Variants in CASZ1 observed in about 807,000 individuals in gnomAD.
CASZ1 encodes the protein zinc finger protein castor homolog 1.
Under a neutral mutation model 135.2 loss-of-function variants are expected in CASZ1, and 28 were observed. The ratio of observed to expected loss-of-function variants is 0.21; its 90% CI spans 0.15 to 0.28. The LOEUF (loss-of-function observed/expected upper bound fraction) is 0.28, where lower values mean the gene tolerates loss of function less well. Ranked by LOEUF, CASZ1 falls within the 10% of genes least tolerant of loss-of-function variation. CASZ1 has a pLI of 1.00. For missense variants in CASZ1, 2,161 were observed against 2,453.3 expected (o/e 0.88, Z 2.52); for synonymous variants, 1,068 against 1,073.4 (o/e 0.99, Z 0.10).
intron 2 of CASZ1, among the ~76,000 whole-genome samples, chr1:10,746,390 C>T (rs1319925843): frequency 1.3e-5 from 2 of 152,210 alleles, no homozygotes; most frequent in Admixed American, 1.3e-4. Flanking sequence ...AATAAAAAGC[C>T]AACCACAGGC....
Position 10,660,278 on chromosome 1 carries a change from G to A in CASZ1, c.764C>T (p.Pro255Leu), listed in dbSNP as rs772366170. 5.0e-6 allele frequency: 8 copies of A among 1,613,910 alleles called. No homozygotes were observed. The highest frequency in any genetic ancestry group is 3.3e-5 in the South Asian group (3 of 91,082). Residue 255 changes from proline (P) to leucine (L), a missense_variant, in exon 6 of 21, where the codon CCG (proline) becomes CTG (leucine). By Grantham distance (98) the Pro-to-Leu change is moderately conservative. This residue lies in a region of CASZ1 where 590 missense variants were observed against 609.8 expected (regional missense o/e 0.97). Transcript: ENST00000377022. ...KLKAGEQLSW[P>L]APSTKTEERV... ...CTCCTCGGTCTTGGTGCTGGGGGCC[G>A]GCCAGGAGAGCTGCTCGCCAGCCTT...
chr1:10,709,968 G>A lies in CASZ1; in HGVS notation c.-76-4424C>T, dbSNP rs1030440078. Among the ~76,000 whole-genome samples the A allele has an allele frequency of 6.6e-6, 1 of 152,206 alleles. No homozygotes were observed. Among genetic ancestry groups the A allele is most frequent in the Non-Finnish European group, 1.5e-5 (1 of 68,040 alleles). On this transcript the variant is annotated intron_variant, in intron 2 of 20. Coordinates refer to ENST00000377022, the MANE Select transcript of CASZ1 (RefSeq NM_001079843.3). The surrounding 1 kb of genome is among the most constrained non-coding windows in gnomAD (Gnocchi z 5.1). ...TGGCTGTCCAGACCCCGGAGTCGGAGCAGGCCTCCGGATTGGCTCTGGGCT... is the reference window on the plus strand; with the variant it reads ...TGGCTGTCCAGACCCCGGAGTCGGAACAGGCCTCCGGATTGGCTCTGGGCT...
chr1:10,650,590 T>A, intron 13 of CASZ1, 102 bp downstream of exon 13: 1 of 960,100 alleles, frequency 1.0e-6, no homozygotes, highest in African/African-American at 1.6e-5. Context: ...CTCATCTTAT[T>A]AGAGGCAAAA....
chr1:10,670,791 T>C (rs1643373740), intron 4 of CASZ1, among the ~76,000 whole-genome samples: 1 of 152,170 alleles, frequency 6.6e-6, no homozygotes, highest in East Asian at 1.9e-4. Context: ...TCACAGCCCA[T>C]TTCCGCCTGA....
chr1:10,673,211 C>G (rs1319906828), intron 4 of CASZ1, among the ~76,000 whole-genome samples: 1 of 152,040 alleles, frequency 6.6e-6, no homozygotes, highest in Non-Finnish European at 1.5e-5. Context: ...CAATTTTAAG[C>G]ATTTATGTAT....
chr1:10,659,588 A>G lies in CASZ1; in HGVS notation c.1340+114T>C, dbSNP rs475980. 412,745 of 783,182 alleles carry G rather than the reference A, an allele frequency of 0.53. 111,487 individuals are homozygous for G. The highest frequency in any genetic ancestry group is 0.67 in the African/African-American group (39,297 of 58,256). The allele number at this position is 783,182 out of a possible 1,614,324, so 48.5% of individuals were successfully genotyped here. A position where few individuals can be genotyped will look rare whatever the true frequency, so the allele number is the denominator to read the frequency against. On this transcript the variant is annotated intron_variant, in intron 6 of 20. Coordinates refer to ENST00000377022, the MANE Select transcript of CASZ1 (RefSeq NM_001079843.3). ...GCGCCTGGATGCACAGTGGATGTGT[A>G]TAAGGTGTGAGCGGCAGGTGTGTCC...
Position 10,694,240 on chromosome 1 carries a change from G to T in CASZ1, c.-23-328C>A. On this transcript the variant is annotated intron_variant, in intron 3 of 20. Transcript: ENST00000377022. This position sits in a 1 kb window ranked among gnomAD's most constrained non-coding sequence, Gnocchi z 6.6. ...GTCCCGCCGACCGCGCCCCGCGCCC[G>T]GGTCGCCGCCCGAGACCGCGGCCCC... The T allele has an allele frequency of 1.3e-6, 1 of 782,108 alleles. No homozygotes were observed. The highest frequency in any genetic ancestry group is 1.6e-6 in the Non-Finnish European group (1 of 644,040). 48.4% of individuals were successfully genotyped at this position (782,108 alleles called of 1,614,324 possible).
intron 2 of CASZ1, among the ~76,000 whole-genome samples, chr1:10,716,980 C>G (rs1033051532): frequency 6.6e-6 from 1 of 152,184 alleles, no homozygotes; most frequent in Non-Finnish European, 1.5e-5. Flanking sequence ...CAAGGCTGCC[C>G]CTGCCTTCAC....
chr1:10,673,031 C>T lies in CASZ1; in HGVS notation c.17-7460G>A, dbSNP rs114578473. Among the ~76,000 whole-genome samples, 885 of 150,360 alleles carry T rather than the reference C, an allele frequency of 5.9e-3. 4 individuals carry two copies. Among genetic ancestry groups the T allele is most frequent in the Non-Finnish European group, 8.8e-3 (596 of 67,714 alleles). ...CCCCAGAGGAAGGCACGGTGGACGG[C>T]GTTGGGGTGCAGTGGCGAGTGGAGA... is the stretch of plus-strand genomic sequence containing the variant. On this transcript the variant is annotated intron_variant, in intron 4 of 20. Transcript: ENST00000377022.
Position 10,770,517 on chromosome 1 carries a change from G to A in CASZ1, c.-233-9660C>T, listed in dbSNP as rs564273433. On this transcript the variant is annotated intron_variant, in intron 1 of 20. Transcript: ENST00000377022. ...CTTTTTTCCCAGGAGCAGAGTGTACGGAGGGGTTGCTGGGGTCCCAGCCAA... is the reference window on the plus strand; with the variant it reads ...CTTTTTTCCCAGGAGCAGAGTGTACAGAGGGGTTGCTGGGGTCCCAGCCAA... Among the ~76,000 whole-genome samples, 422 of 152,204 alleles carry A rather than the reference G, an allele frequency of 2.8e-3. 1 individual carries two copies. Among genetic ancestry groups the A allele is most frequent in the Non-Finnish European group, 4.9e-3 (333 of 68,010 alleles).
chr1:10,686,837 G>GGACCAGGTCCTGACCACATT (rs1638608546), intron 4 of CASZ1, among the ~76,000 whole-genome samples: 1 of 152,226 alleles, frequency 6.6e-6, no homozygotes, highest in South Asian at 2.1e-4. Context: ...CAGAAGGCCT[G>GGACCAGGTCCTGACCACATT]GACCAGGTCC....
intron 2 of CASZ1, among the ~76,000 whole-genome samples, chr1:10,715,382 C>A (rs1639358278): frequency 1.3e-5 from 2 of 152,056 alleles, no homozygotes; most frequent in Admixed American, 1.3e-4. Flanking sequence ...AACCCCAAGC[C>A]CTTGGCTCTG....
rs1262951803 is a variant in CASZ1 at position 10,757,385 on chromosome 1, G to T, written c.-77+3316C>A. The stretch of plus-strand genomic sequence containing the variant: ...ACATACAGGCTCTGACCCCTTCCCC[G>T]CCTGTCCACCTCCTCCTCACCCAGC... On this transcript the variant is annotated intron_variant, in intron 2 of 20. Transcript: ENST00000377022. This position sits in a 1 kb window ranked among gnomAD's most constrained non-coding sequence, Gnocchi z 4.6. 2.6e-5 allele frequency among the ~76,000 whole-genome samples: 4 copies of T among 151,972 alleles called. No individual in the cohort carries two copies. The highest frequency in any genetic ancestry group is 6.6e-5 in the Admixed American group (1 of 15,258).
At chr1:10,766,974 G>T (rs182728123) in intron 1 of CASZ1, among the ~76,000 whole-genome samples, 1 of 152,202 alleles carries the variant, frequency 6.6e-6, no homozygotes. Flanking sequence ...AAGCGAGGGA[G>T]GGAAGGGCTT....
At chr1:10,785,105 TTTCC>T (rs758505701) in intron 1 of CASZ1, among the ~76,000 whole-genome samples, 1 of 32,430 alleles carries the variant, frequency 3.1e-5, no homozygotes, top group Non-Finnish European at 1.1e-4. Context: ...CTCTCTTTCT[TTTCC>T]TTCCTTCCTT....
intron 18 of CASZ1, 150 bp from the exon 19 acceptor site, chr1:10,643,461 CT>C: frequency 2.3e-6 from 2 of 854,158 alleles, no homozygotes; most frequent in Non-Finnish European, 3.6e-6. Flanking sequence ...AGGTGGCAGT[CT>C]TAGGAGGAAG....
rs1291742821 is a variant in CASZ1 at position 10,755,297 on chromosome 1, C to T, written c.-77+5404G>A. On this transcript the variant is annotated intron_variant, in intron 2 of 20. Transcript: ENST00000377022. This position sits in a 1 kb window ranked among gnomAD's most constrained non-coding sequence, Gnocchi z 4.3. ...CACATGGGGGAACCTGGCAGGAGAC[C>T]GGAGAGGAGGAGCTTGAAGGTCTAC... Among the ~76,000 whole-genome samples the T allele has an allele frequency of 1.3e-5, 2 of 152,184 alleles. No homozygotes were observed. The highest frequency in any genetic ancestry group is 2.1e-4 in the South Asian group (1 of 4,818).
At chr1:10,758,691 G>A (rs1324480390) in intron 2 of CASZ1, among the ~76,000 whole-genome samples, 2 of 150,092 alleles carry the variant, frequency 1.3e-5, no homozygotes, top group Non-Finnish European at 2.9e-5. Context: ...AGCCAGAGGT[G>A]GGGGGAATCT....
chr1:10,659,419 C>T lies in CASZ1; in HGVS notation c.1340+283G>A, dbSNP rs1034568619. ...GTGTGTGGGTGGCGTGTGTGGGGGG[C>T]GTGTGCGAGGTGCACGCGCAGGTCC... On this transcript the variant is annotated intron_variant, in intron 6 of 20. Coordinates refer to ENST00000377022, the MANE Select transcript of CASZ1 (RefSeq NM_001079843.3). Among the ~76,000 whole-genome samples the T allele has an allele frequency of 5.3e-5, 8 of 152,064 alleles. No homozygotes were observed. The South Asian group carries it at 8.3e-4, about 16-fold the overall frequency.
Sources: allele counts gnomAD v4.1 joint callset (sites outside exome capture counted in the v4.1 genomes callset), GRCh38; gene constraint gnomAD v4.1.1; regional missense constraint gnomAD v4.1.1; non-coding constraint Gnocchi (gnomAD v3.1); transcripts MANE v1.5; gene names NCBI Gene and HGNC (gene_info 2026-07-23, HGNC 2026-07-21).